IQSEC1: variants seen among roughly 807,000 people sequenced by gnomAD.
IQSEC1 encodes the protein IQ motif and SEC7 domain-containing protein 1.
Under a neutral mutation model 91.0 loss-of-function variants are expected in IQSEC1, and 31 were observed. The ratio of observed to expected loss-of-function variants is 0.34; its 90% CI spans 0.26 to 0.46. The LOEUF is 0.46. Ranked by LOEUF, IQSEC1 falls within the 20% of genes least tolerant of loss-of-function variation. The probability of loss-of-function intolerance (pLI) is 1.00; values close to 1 mark genes in which losing one functional copy is unlikely to be tolerated. For synonymous variants in IQSEC1, 699 were observed against 662.6 expected, an observed-to-expected ratio of 1.05 and a Z score of -0.84; for missense variants, 1,388 against 1,575.6, an observed-to-expected ratio of 0.88 and a Z score of 2.02.
rs1377920150 is a variant in IQSEC1, at chr3:12,940,296, C to A, written c.318+1275G>T. Among the ~76,000 whole-genome samples, 1 of 152,108 alleles carries A rather than the reference C, an allele frequency of 6.6e-6. No individual in the cohort carries two copies. The highest frequency in any genetic ancestry group is 1.9e-4 in the East Asian group (1 of 5,190). ...GACGACCCCCAACCCCAGGCAGTAT[C>A]TGCACCACTCCCTTAGGAAGTTGGG... On this transcript the variant is annotated intron_variant, in intron 2 of 13. Transcript: ENST00000613206. The surrounding 1 kb of genome is among the most constrained non-coding windows in gnomAD (Gnocchi z 4.4).
At position 12,908,223 on chromosome 3, in the gene IQSEC1, CAG is replaced by C. The variant is rs1491415630; in HGVS notation, c.2755+124_2755+125del. 5.6e-5 allele frequency: 55 copies of C among 979,324 alleles called. No individual in the cohort carries two copies. The highest frequency in any genetic ancestry group is 7.8e-5 in the East Asian group (3 of 38,474). 60.7% of individuals were successfully genotyped at this position (979,324 alleles called of 1,614,324 possible). ...CACGCTGCTCTGCTTTGCGGAAGGTCAGGGGAAATGCCGCACTGGCTTCGCCG... is the reference window on the plus strand; with the variant it reads ...CACGCTGCTCTGCTTTGCGGAAGGTCGGGAAATGCCGCACTGGCTTCGCCG... On this transcript the variant is annotated intron_variant, in intron 12 of 13. Transcript: ENST00000613206. The surrounding 1 kb of genome is among the most constrained non-coding windows in gnomAD (Gnocchi z 4.9).
exon 1 of IQSEC1, among the ~76,000 whole-genome samples, chr3:13,283,062 G>GGGACGGCGGCTCGGCGC (rs1437774320): frequency 6.9e-6 from 1 of 145,088 alleles, no homozygotes; most frequent in Non-Finnish European, 1.5e-5. Context: ...CTGCGCGGCG[G>GGGACGGCGGCTCGGCGC]GGACGGCGGC....
chr3:13,238,102 C>T (rs1485151234), intron 1 of IQSEC1, among the ~76,000 whole-genome samples: 1 of 152,202 alleles, frequency 6.6e-6, no homozygotes, highest in Non-Finnish European at 1.5e-5. Flanking sequence ...CAGATCCTGG[C>T]ACCCACCGCG....
In IQSEC1 at chr3:12,901,247, A is replaced by G; in HGVS notation, c.3081T>C (p.His1027=). 6.5e-7 allele frequency: 1 copy of G among 1,547,120 alleles called. No homozygotes were observed. Among genetic ancestry groups the G allele is most frequent in the Non-Finnish European group, 8.7e-7 (1 of 1,146,386 alleles). ...TCTGCATGTGGCAGTACTGGGTGTG[A>G]TGCCCGTGCATGGCGGCCTGCGGCA... ...EGLPQAAMHG[H]HTQYCHMQNP... is the part of the protein sequence containing the mutation. Residue 1027 remains histidine, a synonymous_variant, in exon 14 of 14, where the codon CAT becomes CAC. Transcript: ENST00000613206.
chr3:13,128,631 CG>C (rs1190133829), intron 2 of IQSEC1, among the ~76,000 whole-genome samples: 2 of 151,900 alleles, frequency 1.3e-5, no homozygotes, highest in African/African-American at 4.8e-5. Flanking sequence ...TTTGGGAGGC[CG>C]AGGCGGGCGG....
At position 12,899,530 on chromosome 3, in the gene IQSEC1, C is replaced by A; in HGVS notation, c.*1453G>T. The A allele has an allele frequency of 1.3e-6, 2 of 1,533,006 alleles. No homozygotes were observed. Among genetic ancestry groups the A allele is most frequent in the Non-Finnish European group, 1.8e-6 (2 of 1,132,708 alleles). 95.0% of individuals were successfully genotyped at this position (1,533,006 alleles called of 1,614,324 possible). On this transcript the variant is annotated 3_prime_UTR_variant, in exon 14 of 14. Transcript: ENST00000613206. ...TGGTGTCACCACAACACAGAAGCGACAAGAGCACAGCTGAGAGTCATGTGA... is the reference window on the plus strand; with the variant it reads ...TGGTGTCACCACAACACAGAAGCGAAAAGAGCACAGCTGAGAGTCATGTGA...
intron 1 of IQSEC1, among the ~76,000 whole-genome samples, chr3:13,178,726 G>A (rs984640118): frequency 4.6e-5 from 7 of 152,162 alleles, no homozygotes; most frequent in Admixed American, 6.5e-5. Context: ...AAAAAGTAAC[G>A]GCTGAGAATC....
chr3:13,102,267 G>A (rs1706078603), intron 2 of IQSEC1, among the ~76,000 whole-genome samples: 1 of 151,906 alleles, frequency 6.6e-6, no homozygotes, highest in Non-Finnish European at 1.5e-5. Context: ...GGGTGATGGA[G>A]CAAGAACTTG....
rs1441372102 is a variant in IQSEC1 at position 12,900,327 on chromosome 3, C to G, written c.*656G>C. 1.0e-6 allele frequency: 1 copy of G among 984,450 alleles called. No homozygotes were observed. The allele number at this position is 984,450 out of a possible 1,614,324, so 61.0% of individuals were successfully genotyped here. ...TTGTTCCTAGCATTTAGGGTTTGGT[C>G]TATTGTCTCACACACCCAGCTAAGG... On this transcript the variant is annotated 3_prime_UTR_variant, in exon 14 of 14. Coordinates refer to ENST00000613206, the MANE Select transcript of IQSEC1 (RefSeq NM_001134382.3).
At chr3:13,126,595 G>A (rs1706516714) in intron 2 of IQSEC1, among the ~76,000 whole-genome samples, 1 of 152,190 alleles carries the variant, frequency 6.6e-6, no homozygotes, top group South Asian at 2.1e-4. Context: ...TTAAGAAACT[G>A]TTAAACTGTT....
At chr3:13,171,112 A>AAAAC (rs1553571273) in intron 1 of IQSEC1, among the ~76,000 whole-genome samples, 2,560 of 151,194 alleles carry the variant, frequency 0.017, 78 homozygotes, top group African/African-American at 0.057. Flanking sequence ...AAAAACAAAA[A>AAAAC]AAACAAAAAA....
chr3:12,997,686 C>T (rs1702274527), intron 1 of IQSEC1, among the ~76,000 whole-genome samples: 1 of 152,220 alleles, frequency 6.6e-6, no homozygotes, highest in South Asian at 2.1e-4. Context: ...ACTGCAGGCA[C>T]TTAATCACAA....
intron 1 of IQSEC1, among the ~76,000 whole-genome samples, chr3:13,024,308 T>C (rs1703520729): frequency 2.0e-5 from 3 of 152,146 alleles, no homozygotes; most frequent in Non-Finnish European, 2.9e-5. Context: ...CATCCATTCA[T>C]TTATCCCCTC....
At chr3:13,240,481 G>A (rs1229647820) in intron 1 of IQSEC1, among the ~76,000 whole-genome samples, 1 of 152,228 alleles carries the variant, frequency 6.6e-6, no homozygotes, top group Non-Finnish European at 1.5e-5. Context: ...GAGGCTTGGA[G>A]GAACCCAACA....
intron 5 of IQSEC1, among the ~76,000 whole-genome samples, chr3:12,920,972 CCCT>C (rs1696577158): frequency 6.6e-6 from 1 of 152,176 alleles, no homozygotes; most frequent in South Asian, 2.1e-4. Flanking sequence ...GTCAGGCCTG[CCCT>C]CCGGGACCTT....
At chr3:13,041,904 C>G (rs938661369) in intron 1 of IQSEC1, among the ~76,000 whole-genome samples, 1 of 152,218 alleles carries the variant, frequency 6.6e-6, no homozygotes, top group African/African-American at 2.4e-5. Flanking sequence ...AGGAGGCAGG[C>G]CAACCCTTGA....
At chr3:13,263,681 T>C (rs1695434083) in intron 1 of IQSEC1, among the ~76,000 whole-genome samples, 2 of 152,210 alleles carry the variant, frequency 1.3e-5, no homozygotes, top group African/African-American at 4.8e-5. Context: ...GACCTCGTGA[T>C]TGGACCGCCT....
chr3:12,943,077 A>T (rs1261792752), intron 1 of IQSEC1, among the ~76,000 whole-genome samples: 1 of 152,250 alleles, frequency 6.6e-6, no homozygotes, highest in African/African-American at 2.4e-5. Context: ...TCTTAAAAGC[A>T]GTCTACAAAG....
chr3:13,022,178 G>T, intron 1 of IQSEC1: 1 of 1,231,580 alleles, frequency 8.1e-7, no homozygotes, highest in Non-Finnish European at 1.0e-6. Flanking sequence ...TCCTGGCCAG[G>T]GAACGGCTCT....
Sources: gnomAD v4.1 joint callset for allele counts (sites outside exome capture counted in the v4.1 genomes callset) on GRCh38, gnomAD v4.1.1 for gene constraint, Gnocchi (gnomAD v3.1) non-coding constraint, MANE v1.5 for transcripts, NCBI Gene and HGNC (gene_info 2026-07-23, HGNC 2026-07-21) for gene names.